Variants in IFT74 observed in about 807,000 individuals in gnomAD.
IFT74 encodes intraflagellar transport 74.
IFT74 carries 92 observed loss-of-function variants against 96.7 expected under a neutral mutation model. The observed-to-expected ratio is 0.95, with a 90% CI of 0.80 to 1.13. IFT74 has a LOEUF of 1.13. IFT74 is among the 50% of genes most tolerant of loss of function. The pLI is 0.00. For missense variants in IFT74, 811 were observed against 698.2 expected (o/e 1.16, Z -1.82); for synonymous variants, 223 against 213.2 (o/e 1.05, Z -0.40).
intron 8 of IFT74, among the ~76,000 whole-genome samples, chr9:27,005,362 C>G (rs1048870670): frequency 2.4e-4 from 5 of 20,956 alleles, no homozygotes; most frequent in African/African-American, 3.0e-4. Flanking sequence ...TCCCCCCCCG[C>G]CCCCCGCAAA....
At chr9:26,993,302 C>T (rs1319986212) in intron 8 of IFT74, 3 of 152,020 alleles carry the variant, frequency 2.0e-5, no homozygotes, top group African/African-American at 7.2e-5. Context: ...AATAATTTAG[C>T]AGAATGATAC....
Position 27,012,708 on chromosome 9 carries a change from G to GTTTTTTTTT in IFT74, c.789+759_789+767dup, listed in dbSNP as rs772920018. Among the ~76,000 whole-genome samples the GTTTTTTTTT allele has an allele frequency of 1.6e-3, 86 of 53,872 alleles. 20 individuals carry two copies. The highest frequency in any genetic ancestry group is 0.011 in the East Asian group (18 of 1,592). The allele number at this position is 53,872 out of a possible 152,430, so 35.3% of individuals were successfully genotyped here. The stretch of plus-strand genomic sequence containing the variant: ...GAACAAGAGGAAAGTAAAAATGTCT[G>GTTTTTTTTT]TTTTTTTTTTTTTTTTTTTTTTTTT... On this transcript the variant is annotated intron_variant, in intron 10 of 19. Transcript: ENST00000380062.
At chr9:27,054,087 G>A (rs1820053066) in intron 16 of IFT74, among the ~76,000 whole-genome samples, 1 of 152,128 alleles carries the variant, frequency 6.6e-6, no homozygotes, top group Non-Finnish European at 1.5e-5. Context: ...AGAAATACTG[G>A]CTTAATTATA....
chr9:26,964,588 AC>A (rs1190386103), intron 2 of IFT74, among the ~76,000 whole-genome samples: 1 of 152,030 alleles, frequency 6.6e-6, no homozygotes, highest in Non-Finnish European at 1.5e-5. Flanking sequence ...GATTCTTCCT[AC>A]CCGTGAGCAT....
At chr9:26,970,106 C>G (rs1826819107) in intron 2 of IFT74, among the ~76,000 whole-genome samples, 1 of 151,986 alleles carries the variant, frequency 6.6e-6, no homozygotes, top group Non-Finnish European at 1.5e-5. Context: ...ATACTTTTCT[C>G]TTATTAATTT....
At chr9:26,982,831 A>G (rs1587283834) in intron 4 of IFT74, among the ~76,000 whole-genome samples, 1 of 152,038 alleles carries the variant, frequency 6.6e-6, no homozygotes, top group African/African-American at 2.4e-5. Context: ...ACCTCAGGTA[A>G]TGCACCTGCC....
intron 4 of IFT74, 100 bp downstream of exon 4, chr9:26,980,719 G>A: frequency 1.4e-6 from 1 of 693,364 alleles, no homozygotes; most frequent in East Asian, 2.8e-5. Context: ...TTTTAGCTAG[G>A]CACTTATTAG....
chr9:26,993,614 G>A (rs1210641215), intron 8 of IFT74: 2 of 151,980 alleles, frequency 1.3e-5, no homozygotes, highest in Non-Finnish European at 2.9e-5. Flanking sequence ...TTTTATTTTA[G>A]CCTCTTTTTT....
chr9:27,040,117 G>A (rs995834655), intron 13 of IFT74, among the ~76,000 whole-genome samples: 1 of 152,166 alleles, frequency 6.6e-6, no homozygotes, highest in Non-Finnish European at 1.5e-5. Flanking sequence ...ACAAAAAATG[G>A]TTATGTAGAC....
At chr9:26,969,265 A>T (rs189133429) in intron 2 of IFT74, among the ~76,000 whole-genome samples, 3 of 152,206 alleles carry the variant, frequency 2.0e-5, no homozygotes, top group East Asian at 1.9e-4. Flanking sequence ...GTCAGAGAAG[A>T]TACATATATA....
At chr9:27,061,646 T>C (rs1820424916) in intron 19 of IFT74, among the ~76,000 whole-genome samples, 1 of 149,002 alleles carries the variant, frequency 6.7e-6, no homozygotes, top group South Asian at 2.2e-4. Flanking sequence ...GGGAGAATTA[T>C]ATATAACCAT....
At chr9:27,002,951 C>T (rs1202760560) in intron 8 of IFT74, among the ~76,000 whole-genome samples, 1 of 151,866 alleles carries the variant, frequency 6.6e-6, no homozygotes, top group Non-Finnish European at 1.5e-5. Flanking sequence ...TTTGTATCCT[C>T]TTCAGTTTCT....
Position 27,012,686 on chromosome 9 carries a change from C to G in IFT74, c.789+718C>G, listed in dbSNP as rs183371108. 4.3e-3 allele frequency among the ~76,000 whole-genome samples: 563 copies of G among 130,296 alleles called. 5 individuals are homozygous for G. Among genetic ancestry groups the G allele is most frequent in the African/African-American group, 0.015 (538 of 35,000 alleles). The allele number at this position is 130,296 out of a possible 152,430, so 85.5% of individuals were successfully genotyped here. On this transcript the variant is annotated intron_variant, in intron 10 of 19. Coordinates refer to ENST00000380062, the MANE Select transcript of IFT74 (RefSeq NM_025103.4). ...TGCATATGGTTTAAAAATAGTTGAA[C>G]AAGAGGAAAGTAAAAATGTCTGTTT...
chr9:27,029,083 A>G lies in IFT74; in HGVS notation c.1033A>G (p.Met345Val), dbSNP rs370456819. 15 of 1,602,482 alleles carry G rather than the reference A, an allele frequency of 9.4e-6. No individual in the cohort carries two copies. The highest frequency in any genetic ancestry group is 1.2e-5 in the Non-Finnish European group (14 of 1,173,972). ...QFIEEIRQLD[M>V]DLEEHQGEMN... Reference sequence around the variant, plus strand: ...TATTGAAGAAATTAGACAACTTGACATGGATTTAGAGGAACACCAAGGTAT... The same window carrying G: ...TATTGAAGAAATTAGACAACTTGACGTGGATTTAGAGGAACACCAAGGTAT... Residue 345 changes from methionine to valine, a missense_variant, in exon 13 of 20, where the codon ATG becomes GTG. Coordinates refer to ENST00000380062, the MANE Select transcript of IFT74 (RefSeq NM_025103.4).
At chr9:27,032,292 G>T (rs567267450) in intron 13 of IFT74, among the ~76,000 whole-genome samples, 1 of 152,108 alleles carries the variant, frequency 6.6e-6, no homozygotes, top group South Asian at 2.1e-4. Context: ...TATGCTGGGG[G>T]TTTCTACCTT....
intron 8 of IFT74, chr9:26,995,789 G>A (rs41272237): frequency 0.055 from 89,337 of 1,613,520 alleles, 3,048 homozygotes; most frequent in Middle Eastern, 0.13. Context: ...AAGTGAAGTC[G>A]TCAGTACAGT....
At chr9:27,042,397 C>T (rs747881507) in intron 13 of IFT74, among the ~76,000 whole-genome samples, 2 of 151,778 alleles carry the variant, frequency 1.3e-5, no homozygotes, top group Non-Finnish European at 2.9e-5. Context: ...CTCCCATCCC[C>T]GCAAAAAGCA....
chr9:27,004,966 A>G (rs1828694808), intron 8 of IFT74, among the ~76,000 whole-genome samples: 1 of 152,186 alleles, frequency 6.6e-6, no homozygotes, highest in Non-Finnish European at 1.5e-5. Flanking sequence ...TGATTATTAT[A>G]TGCTATGAAA....
intron 8 of IFT74, chr9:26,998,067 T>TA (rs1563961016): frequency 6.2e-7 from 1 of 1,613,512 alleles, no homozygotes. Context: ...TGTAAGATAG[T>TA]AACCTTGTTC....
Sources: gnomAD v4.1 joint callset for allele counts (sites outside exome capture counted in the v4.1 genomes callset) on GRCh38, gnomAD v4.1.1 for gene constraint, MANE v1.5 for transcripts, NCBI Gene and HGNC (gene_info 2026-07-23, HGNC 2026-07-21) for gene names.